Variants in KANSL1L observed in about 807,000 individuals in gnomAD.
KANSL1L encodes the protein KAT8 regulatory NSL complex subunit 1 like.
KANSL1L carries 25 observed loss-of-function variants against 108.6 expected under a neutral mutation model. The ratio of observed to expected loss-of-function variants is 0.23; its 90% CI spans 0.17 to 0.32. KANSL1L has a LOEUF of 0.32. Among genes scored for constraint, KANSL1L ranks in the 10% least tolerant of loss-of-function variants. The pLI is 1.00. For missense variants in KANSL1L, 1,137 were observed against 1,125.7 expected (o/e 1.01, Z -0.14); for synonymous variants, 405 against 395.1 (o/e 1.03, Z -0.30).
intron 3 of KANSL1L, 129 bp from the exon 4 acceptor site, chr2:210,104,430 T>G (rs2125435014): frequency 3.0e-6 from 2 of 662,826 alleles, no homozygotes; most frequent in South Asian, 4.0e-5. Flanking sequence ...AACTTGATAG[T>G]TTAACTCTGT....
At chr2:210,102,328 A>C (rs2125424415) in intron 4 of KANSL1L, among the ~76,000 whole-genome samples, 1 of 152,282 alleles carries the variant, frequency 6.6e-6, no homozygotes, top group African/African-American at 2.4e-5. Flanking sequence ...AGATGGATTA[A>C]AGACTTAAAT....
intron 2 of KANSL1L, among the ~76,000 whole-genome samples, chr2:210,148,589 C>A (rs2095281473): frequency 6.6e-6 from 1 of 152,126 alleles, no homozygotes; most frequent in South Asian, 2.1e-4. Flanking sequence ...GGAAAAGTGA[C>A]TTTCTTTTAC....
intron 1 of KANSL1L, among the ~76,000 whole-genome samples, chr2:210,157,691 GAAAAAAAAAAA>G (rs56676129): frequency 5.9e-4 from 28 of 47,212 alleles, no homozygotes; most frequent in African/African-American, 7.2e-4. Flanking sequence ...CACTGTCACA[GAAAAAAAAAAA>G]AAAAAAAAAA....
At chr2:210,128,832 A>G (rs2095092630) in intron 3 of KANSL1L, among the ~76,000 whole-genome samples, 199 bp downstream of exon 3, 2 of 152,314 alleles carry the variant, frequency 1.3e-5, no homozygotes, top group Non-Finnish European at 2.9e-5. Context: ...GAATTGCTCA[A>G]AAAGTATGAT....
intron 6 of KANSL1L, among the ~76,000 whole-genome samples, chr2:210,067,959 C>A (rs1259269299): frequency 6.6e-6 from 1 of 151,962 alleles, no homozygotes; most frequent in African/African-American, 2.4e-5. Context: ...CTCACTGCAA[C>A]CTCCGCCTCC....
intron 1 of KANSL1L, among the ~76,000 whole-genome samples, chr2:210,157,234 T>C (rs1018833522): frequency 2.0e-5 from 3 of 152,134 alleles, no homozygotes; most frequent in Non-Finnish European, 2.9e-5. Context: ...CCTCAAAAGA[T>C]ACTAAACTTT....
At chr2:210,103,536 T>C (rs1055270993) in intron 4 of KANSL1L, among the ~76,000 whole-genome samples, 6 of 152,226 alleles carry the variant, frequency 3.9e-5, no homozygotes, top group African/African-American at 1.4e-4. Flanking sequence ...TCAAAATAAA[T>C]TGTTGGATTT....
intron 6 of KANSL1L, among the ~76,000 whole-genome samples, chr2:210,070,787 C>A (rs2094502003): frequency 6.6e-6 from 1 of 152,170 alleles, no homozygotes; most frequent in Admixed American, 6.5e-5. Context: ...CTCTGCTAGG[C>A]CTATCCTCTA....
chr2:210,093,209 G>C (rs998732137), intron 5 of KANSL1L, among the ~76,000 whole-genome samples: 1 of 152,146 alleles, frequency 6.6e-6, no homozygotes, highest in Admixed American at 6.5e-5. Flanking sequence ...GCAGTGGCAC[G>C]ATCTTGGCTC....
intron 5 of KANSL1L, among the ~76,000 whole-genome samples, chr2:210,079,305 A>G (rs1024106351): frequency 4.6e-5 from 7 of 152,056 alleles, no homozygotes; most frequent in Non-Finnish European, 7.4e-5. Flanking sequence ...TTATCAAAAT[A>G]TAATTATCGG....
chr2:210,079,700 GTATATATATA>G (rs796956187), intron 5 of KANSL1L: 1 of 75,774 alleles, frequency 1.3e-5, no homozygotes, highest in Non-Finnish European at 2.3e-5. Flanking sequence ...ATGTATGTGT[GTATATATATA>G]TATATATATA....
chr2:210,161,545 C>T (rs1324654020), intron 1 of KANSL1L, among the ~76,000 whole-genome samples: 1 of 152,110 alleles, frequency 6.6e-6, no homozygotes, highest in Non-Finnish European at 1.5e-5. Context: ...ACACCAAAAG[C>T]ATTATTCACA....
Position 210,153,951 on chromosome 2 carries a change from GAACT to G in KANSL1L, c.628_631del (p.Ser210LeufsTer18). The stretch of plus-strand genomic sequence containing the variant: ...TTCCTCCTCTTTTTCAGCAGCTGAA[GAACT>G]AACAGGCACATTTGAGTGGCCAGGT... On this transcript the variant is annotated frameshift_variant, in exon 2 of 15. Coordinates refer to ENST00000281772, the MANE Select transcript of KANSL1L (RefSeq NM_152519.4). LOFTEE classifies it high-confidence loss of function. 6.2e-7 allele frequency: 1 copy of G among 1,613,470 alleles called. No individual in the cohort carries two copies. Among genetic ancestry groups the G allele is most frequent in the Non-Finnish European group, 8.5e-7 (1 of 1,179,978 alleles).
intron 5 of KANSL1L, among the ~76,000 whole-genome samples, chr2:210,095,517 T>A (rs1317979708): frequency 6.6e-6 from 1 of 152,148 alleles, no homozygotes; most frequent in Non-Finnish European, 1.5e-5. Flanking sequence ...TTCAGTGTTA[T>A]TATTATTCTT....
intron 1 of KANSL1L, 99 bp downstream of exon 1, chr2:210,171,050 A>C (rs969512327): frequency 6.6e-6 from 1 of 152,326 alleles, no homozygotes; most frequent in Non-Finnish European, 1.5e-5. Context: ...CCTGACCCGC[A>C]AGTCCACCCG....
chr2:210,033,146 T>C (rs1000595073), intron 8 of KANSL1L, among the ~76,000 whole-genome samples: 1 of 152,032 alleles, frequency 6.6e-6, no homozygotes, highest in South Asian at 2.1e-4. Context: ...AAGGAGGGAA[T>C]AGTTGAAGAA....
chr2:210,091,221 A>G (rs574936537), intron 5 of KANSL1L, among the ~76,000 whole-genome samples: 2 of 152,296 alleles, frequency 1.3e-5, no homozygotes, highest in Admixed American at 1.3e-4. Context: ...AACAAACTAA[A>G]TATCACATTC....
chr2:210,070,323 C>T (rs1438870711), intron 6 of KANSL1L, among the ~76,000 whole-genome samples: 2 of 149,330 alleles, frequency 1.3e-5, no homozygotes, highest in African/African-American at 2.5e-5. Context: ...CTCCGCCTCC[C>T]GGGTTCATGC....
chr2:210,162,740 G>A (rs1231019330), intron 1 of KANSL1L, among the ~76,000 whole-genome samples: 2 of 152,048 alleles, frequency 1.3e-5, no homozygotes, highest in Non-Finnish European at 2.9e-5. Flanking sequence ...GAGATAGGAG[G>A]AAATCCAGAA....
Sources: allele counts gnomAD v4.1 joint callset (sites outside exome capture counted in the v4.1 genomes callset), GRCh38; gene constraint gnomAD v4.1.1; transcripts MANE v1.5; gene names NCBI Gene and HGNC (gene_info 2026-07-23, HGNC 2026-07-21).